SLC12A6: variants seen among roughly 807,000 people sequenced by gnomAD.
The protein encoded by SLC12A6 is solute carrier family 12 member 6.
A neutral mutation model predicts 135.3 loss-of-function variants in SLC12A6; 66 were observed. That is an observed-to-expected ratio of 0.49 (90% CI 0.40 to 0.60). The LOEUF (loss-of-function observed/expected upper bound fraction) is 0.60. SLC12A6 is among the 20% of genes least tolerant of loss of function. SLC12A6 has a pLI of 0.00. For missense variants in SLC12A6, 1,058 were observed against 1,452.3 expected, an observed-to-expected ratio of 0.73 and a Z score of 4.41; for synonymous variants, 513 against 508.8, an observed-to-expected ratio of 1.01 and a Z score of -0.11.
intron 2 of SLC12A6, among the ~76,000 whole-genome samples, chr15:34,327,933 G>C (rs1252055627): frequency 6.6e-6 from 1 of 152,006 alleles, no homozygotes; most frequent in Non-Finnish European, 1.5e-5. Context: ...TTACCAAATG[G>C]TTATGACTAT....
chr15:34,237,287 G>GTTTT, intron 22 of SLC12A6, 132 bp downstream of exon 22: 3 of 556,040 alleles, frequency 5.4e-6, no homozygotes, highest in Non-Finnish European at 9.3e-6. Flanking sequence ...GTTTTTTTTT[G>GTTTT]TTTTTTTTTT....
chr15:34,294,744 T>C (rs1258646770), intron 2 of SLC12A6, among the ~76,000 whole-genome samples: 5 of 151,816 alleles, frequency 3.3e-5, no homozygotes, highest in African/African-American at 7.3e-5. Context: ...ATTTATTTGG[T>C]AGAGACAAAA....
intron 2 of SLC12A6, among the ~76,000 whole-genome samples, chr15:34,294,550 T>A (rs540234895): frequency 7.7e-5 from 11 of 142,630 alleles, no homozygotes; most frequent in Admixed American, 4.8e-4. Flanking sequence ...CCACCACACC[T>A]GGCCCTAAAT....
chr15:34,266,443 CATTATT>C (rs1263882392), intron 3 of SLC12A6, among the ~76,000 whole-genome samples: 2 of 151,930 alleles, frequency 1.3e-5, no homozygotes, highest in East Asian at 1.9e-4. Context: ...TTTTATTTAT[CATTATT>C]ATTATTTTTT....
rs71415558 is a variant in SLC12A6, at chr15:34,284,277, C to CTTT, written c.272-8891_272-8889dup. Among the ~76,000 whole-genome samples, 429 of 92,430 alleles carry CTTT rather than the reference C, an allele frequency of 4.6e-3. 4 individuals are homozygous for CTTT. Among genetic ancestry groups the CTTT allele is most frequent in the East Asian group, 8.2e-3 (23 of 2,792 alleles). 60.6% of individuals were successfully genotyped at this position (92,430 alleles called of 152,430 possible). A position where few individuals can be genotyped will look rare whatever the true frequency, so the allele number is the denominator to read the frequency against. ...CCATATTACTTTCTTTGTTTCTTTT[C>CTTT]TTTTTTTTTTTTTTTTTTTTTTTGA... On this transcript the variant is annotated intron_variant, in intron 2 of 25. Transcript: ENST00000354181.
chr15:34,236,508 C>G (rs1566799340), intron 23 of SLC12A6, among the ~76,000 whole-genome samples, 200 bp downstream of exon 23: 1 of 152,136 alleles, frequency 6.6e-6, no homozygotes, highest in Non-Finnish European at 1.5e-5. Context: ...CCATGCCCGG[C>G]TAATTTTCGT....
chr15:34,279,320 A>C (rs1284920081), intron 2 of SLC12A6, among the ~76,000 whole-genome samples: 2 of 152,132 alleles, frequency 1.3e-5, no homozygotes, highest in African/African-American at 4.8e-5. Context: ...TCTCAAAAAA[A>C]CAAACAAAAA....
chr15:34,248,034 C>T (rs866141159), intron 13 of SLC12A6, among the ~76,000 whole-genome samples: 3 of 152,170 alleles, frequency 2.0e-5, no homozygotes, highest in East Asian at 3.9e-4. Flanking sequence ...AGAGTTTTAC[C>T]GTTTTAAAAC....
intron 2 of SLC12A6, among the ~76,000 whole-genome samples, chr15:34,332,026 C>G (rs944773083): frequency 6.6e-6 from 1 of 152,108 alleles, no homozygotes; most frequent in African/African-American, 2.4e-5. Context: ...CGTCTGACCA[C>G]AGTCTTTAAT....
intron 16 of SLC12A6, among the ~76,000 whole-genome samples, chr15:34,243,359 C>T (rs954560598): frequency 6.6e-5 from 10 of 152,168 alleles, no homozygotes; most frequent in South Asian, 2.1e-4. Flanking sequence ...AATGTAGCAA[C>T]GGGTACATAC....
At chr15:34,269,986 C>A (rs1455164500) in intron 3 of SLC12A6, among the ~76,000 whole-genome samples, 1 of 148,902 alleles carries the variant, frequency 6.7e-6, no homozygotes, top group Admixed American at 6.6e-5. Flanking sequence ...AGCTAGAATA[C>A]CTCTATAAAA....
rs879253966 is a variant in SLC12A6 at position 34,245,289 on chromosome 15, A to C, written c.1939T>G (p.Ser647Ala). Residue 647 changes from serine to alanine, a missense_variant, in exon 15 of 26, where the codon TCC becomes GCC. Coordinates refer to ENST00000354181, the MANE Select transcript of SLC12A6 (RefSeq NM_001365088.1). ...ASLDLVAPIL[S>A]MFFLMCYLFV... ...AAGAGAATCACTGGCTCTTACATGG[A>C]AAGAATTGGGGCCACAAGATCCAGG... 6.5e-7 allele frequency: 1 copy of C among 1,529,980 alleles called. No homozygotes were observed. Among genetic ancestry groups the C allele is most frequent in the African/African-American group, 1.4e-5 (1 of 73,322 alleles). The allele number at this position is 1,529,980 out of a possible 1,614,324, so 94.8% of individuals were successfully genotyped here. A position where few individuals can be genotyped will look rare whatever the true frequency, so the allele number is the denominator to read the frequency against.
intron 2 of SLC12A6, among the ~76,000 whole-genome samples, chr15:34,289,285 G>A (rs28871951): frequency 0.027 from 4,172 of 152,200 alleles, 195 homozygotes; most frequent in African/African-American, 0.095. Context: ...GTTGGATTAC[G>A]TTTATTGATT....
intron 1 of SLC12A6, 140 bp from the exon 2 acceptor site, chr15:34,336,892 T>C (rs1231773570): frequency 5.0e-6 from 3 of 602,378 alleles, no homozygotes; most frequent in South Asian, 2.0e-5. Context: ...TAGGTGAATA[T>C]ATTTTTTAAG....
chr15:34,300,092 G>C (rs574238333), intron 2 of SLC12A6, among the ~76,000 whole-genome samples: 5 of 152,176 alleles, frequency 3.3e-5, no homozygotes, highest in Admixed American at 6.5e-5. Context: ...TATATCAAGG[G>C]GGAAGGAGTC....
intron 3 of SLC12A6, among the ~76,000 whole-genome samples, chr15:34,262,020 A>G (rs1595454796): frequency 6.6e-6 from 1 of 152,344 alleles, no homozygotes; most frequent in Non-Finnish European, 1.5e-5. Context: ...AAGGAAAATA[A>G]ATCATTCTAC....
intron 4 of SLC12A6, among the ~76,000 whole-genome samples, chr15:34,260,525 TG>T (rs1386935831): frequency 6.6e-6 from 1 of 152,366 alleles, no homozygotes; most frequent in Non-Finnish European, 1.5e-5. Flanking sequence ...CCCAAAGTGC[TG>T]GGATTACAGG....
At chr15:34,258,060 T>C (rs1455440841) in intron 5 of SLC12A6, among the ~76,000 whole-genome samples, 1 of 152,240 alleles carries the variant, frequency 6.6e-6, no homozygotes, top group Non-Finnish European at 1.5e-5. Flanking sequence ...AATAAACTTT[T>C]ATGTGCACCC....
rs1890210508 is a variant in SLC12A6, at chr15:34,336,538, C to T, written c.143G>A (p.Arg48Gln). The part of the protein sequence containing the change: ...RSSSRVRFSS[R>Q]ESVPETSRSE... ...CCGGCTTGTTTCAGGCACGCTTTCC[C>T]GGGAGCTAAATCTTACTCGGGAACT... The change falls in exon 2 of 26, where the codon CGG becomes CAG. Residue 48 changes from arginine (R) to glutamine (Q), a missense_variant. Physicochemically the swap from Arg to Gln is conservative, Grantham distance 43. Coordinates refer to ENST00000354181, the MANE Select transcript of SLC12A6 (RefSeq NM_001365088.1). 1.2e-6 allele frequency: 2 copies of T among 1,614,022 alleles called. No homozygotes were observed. Among genetic ancestry groups the T allele is most frequent in the Non-Finnish European group, 1.7e-6 (2 of 1,179,980 alleles).
Sources: gnomAD v4.1 joint callset for allele counts (sites outside exome capture counted in the v4.1 genomes callset) on GRCh38, gnomAD v4.1.1 for gene constraint, MANE v1.5 for transcripts, NCBI Gene and HGNC (gene_info 2026-07-23, HGNC 2026-07-21) for gene names.